The following TP63 variants were observed in gnomAD, a reference collection of about 807,000 sequenced individuals.
TP63 encodes tumor protein 63.
In TP63, 17 loss-of-function variants were observed where a neutral mutation model predicts 82.8. The ratio of observed to expected loss-of-function variants is 0.21; its 90% CI spans 0.14 to 0.31. The LOEUF (loss-of-function observed/expected upper bound fraction) is 0.31, where lower values mean the gene tolerates loss of function less well. Among genes scored for constraint, TP63 ranks in the 10% least tolerant of loss-of-function variants. TP63 has a pLI of 1.00. For synonymous variants in TP63, 330 were observed against 321.7 expected (o/e 1.03, Z -0.28); for missense variants, 648 against 895.3 (o/e 0.72, Z 3.52).
At chr3:189,840,598 C>T (rs1272629271) in intron 4 of TP63, among the ~76,000 whole-genome samples, 1 of 151,394 alleles carries the variant, frequency 6.6e-6, no homozygotes, top group African/African-American at 2.4e-5. Context: ...CGGTGGCTCA[C>T]GCCTATAATT....
intron 11 of TP63, 115 bp downstream of exon 11, chr3:189,886,666 C>A: frequency 6.9e-7 from 1 of 1,458,930 alleles, no homozygotes; most frequent in Non-Finnish European, 9.3e-7. Context: ...TGGGACAGAT[C>A]AGATCAAAGT....
At chr3:189,748,583 A>G (rs1259307166) in intron 3 of TP63, among the ~76,000 whole-genome samples, 2 of 151,510 alleles carry the variant, frequency 1.3e-5, no homozygotes, top group Non-Finnish European at 2.9e-5. Context: ...ATGGATTGGA[A>G]GAATGAAAAT....
intron 1 of TP63, among the ~76,000 whole-genome samples, chr3:189,653,412 T>C (rs1006554943): frequency 6.6e-6 from 1 of 152,240 alleles, no homozygotes; most frequent in Non-Finnish European, 1.5e-5. Context: ...TCCATCTGTT[T>C]GATGACTTTG....
chr3:189,857,492 T>C (rs1348572326), intron 4 of TP63, among the ~76,000 whole-genome samples: 1 of 152,056 alleles, frequency 6.6e-6, no homozygotes, highest in East Asian at 1.9e-4. Flanking sequence ...GCAAGAGCTT[T>C]CAAGGGAAAA....
At chr3:189,659,456 A>G (rs1294386574) in intron 1 of TP63, among the ~76,000 whole-genome samples, 4 of 152,030 alleles carry the variant, frequency 2.6e-5, no homozygotes, top group African/African-American at 9.7e-5. Flanking sequence ...CTAATCCACT[A>G]TAATGGGAAC....
rs1721488391 is a variant in TP63 at position 189,896,548 on chromosome 3, A to G, written c.*2046A>G. ...AATAAGCACTGTAAACTTCTGCAAC[A>G]AGCATGCAGCTTTGCAAACCCATTA... is the stretch of plus-strand genomic sequence containing the variant. On this transcript the variant is annotated 3_prime_UTR_variant, in exon 14 of 14. Transcript: ENST00000264731. 4.7e-6 allele frequency: 1 copy of G among 211,554 alleles called. No homozygotes were observed. Among genetic ancestry groups the G allele is most frequent in the Non-Finnish European group, 9.6e-6 (1 of 104,088 alleles). 13.1% of individuals were successfully genotyped at this position (211,554 alleles called of 1,614,324 possible).
intron 3 of TP63, among the ~76,000 whole-genome samples, chr3:189,757,058 C>CAT (rs1247262082): frequency 2.6e-5 from 4 of 152,154 alleles, no homozygotes; most frequent in South Asian, 2.1e-4. Context: ...TGCATACATA[C>CAT]ATATATATAT....
At chr3:189,609,452 CAT>C in the TP63 span, among the ~76,000 whole-genome samples, 3 of 151,954 alleles carry the variant, frequency 2.0e-5, no homozygotes, top group African/African-American at 7.3e-5. Context: ...TATATAAACA[CAT>C]GTCATGGGGG....
chr3:189,893,616 GT>G (rs1701426416), intron 13 of TP63, among the ~76,000 whole-genome samples: 1 of 152,148 alleles, frequency 6.6e-6, no homozygotes, highest in South Asian at 2.1e-4. Context: ...GCCGTTTCAG[GT>G]TCTGAGGATG....
intron 4 of TP63, among the ~76,000 whole-genome samples, chr3:189,845,064 GA>G (rs1166748458): frequency 6.6e-6 from 1 of 151,750 alleles, no homozygotes; most frequent in South Asian, 2.1e-4. Context: ...CTTATAAAAA[GA>G]AAAAAAATTA....
intron 4 of TP63, among the ~76,000 whole-genome samples, chr3:189,817,857 C>G (rs1156466747): frequency 6.6e-6 from 1 of 151,548 alleles, no homozygotes; most frequent in African/African-American, 2.4e-5. Context: ...TTTTGCAGAA[C>G]CAGTAAAAAG....
chr3:189,675,522 T>C (rs1426306828), intron 1 of TP63, among the ~76,000 whole-genome samples: 1 of 152,154 alleles, frequency 6.6e-6, no homozygotes, highest in Admixed American at 6.6e-5. Flanking sequence ...CCAGGTCACA[T>C]ATTAGACATA....
At chr3:189,873,559 G>A (rs941658855) in intron 10 of TP63, 13 of 165,602 alleles carry the variant, frequency 7.9e-5, no homozygotes, top group East Asian at 6.5e-4. Context: ...TCATGTTGCC[G>A]TATTTTAGAA....
intron 1 of TP63, among the ~76,000 whole-genome samples, chr3:189,662,442 A>T (rs1713966192): frequency 6.6e-6 from 1 of 151,788 alleles, no homozygotes; most frequent in Admixed American, 6.6e-5. Flanking sequence ...CGTTGGTATT[A>T]TTTCAGTTTT....
At chr3:189,838,637 G>A (rs1280604665) in intron 4 of TP63, among the ~76,000 whole-genome samples, 2 of 152,044 alleles carry the variant, frequency 1.3e-5, no homozygotes, top group Non-Finnish European at 2.9e-5. Context: ...GGCCCACACG[G>A]TACCTAATTA....
chr3:189,885,184 C>T (rs1281553216), intron 10 of TP63, among the ~76,000 whole-genome samples: 3 of 152,224 alleles, frequency 2.0e-5, no homozygotes, highest in Non-Finnish European at 4.4e-5. Context: ...CCATAACAGA[C>T]TAGACACTTG....
intron 4 of TP63, among the ~76,000 whole-genome samples, chr3:189,849,420 G>A (rs1181728102): frequency 6.6e-6 from 1 of 152,134 alleles, no homozygotes; most frequent in Non-Finnish European, 1.5e-5. Context: ...CGGGTAGACA[G>A]TGTCACAGTT....
chr3:189,747,738 C>T (rs1721485318), intron 3 of TP63, among the ~76,000 whole-genome samples: 2 of 151,848 alleles, frequency 1.3e-5, no homozygotes, highest in African/African-American at 4.8e-5. Context: ...AAAATCAGAG[C>T]AGAACTAAAC....
At chr3:189,667,035 A>AG (rs1714451392) in intron 1 of TP63, among the ~76,000 whole-genome samples, 2 of 151,734 alleles carry the variant, frequency 1.3e-5, no homozygotes, top group South Asian at 2.1e-4. Context: ...GAAAAAAAAA[A>AG]AAAAAACTCA....
Sources: gnomAD v4.1 joint callset for allele counts (sites outside exome capture counted in the v4.1 genomes callset) on GRCh38, gnomAD v4.1.1 for gene constraint, MANE v1.5 for transcripts, NCBI Gene and HGNC (gene_info 2026-07-23, HGNC 2026-07-21) for gene names.